Variants in NRG3 observed in about 807,000 individuals in gnomAD.
The protein encoded by NRG3 is pro-neuregulin-3, membrane-bound isoform.
In NRG3, 31 loss-of-function variants were observed where a neutral mutation model predicts 66.9. That is an observed-to-expected ratio of 0.46 (90% CI 0.35 to 0.63). NRG3 has a LOEUF of 0.63. Ranked by LOEUF, NRG3 falls within the 20% of genes least tolerant of loss-of-function variation. NRG3 has a pLI of 0.00. For synonymous variants in NRG3, 393 were observed against 359.4 expected (o/e 1.09, Z -1.06); for missense variants, 910 against 878.9 (o/e 1.04, Z -0.45).
chr10:81,932,305 C>T (rs1378954896), intron 1 of NRG3, among the ~76,000 whole-genome samples: 2 of 151,924 alleles, frequency 1.3e-5, no homozygotes, highest in African/African-American at 4.8e-5. Context: ...CTTGTGAGAA[C>T]TCACGTCATG....
At chr10:82,408,105 A>AAG (rs1307250600) in intron 2 of NRG3, among the ~76,000 whole-genome samples, 1 of 138,890 alleles carries the variant, frequency 7.2e-6, no homozygotes, top group Non-Finnish European at 1.5e-5. Flanking sequence ...GAAAGAAAGA[A>AAG]AGAAAGAAAG....
At position 82,408,148 on chromosome 10, in the gene NRG3, G is replaced by GAAAGAA. The variant is rs1341689768; in HGVS notation, c.953+49283_953+49284insGAAAAA. Among the ~76,000 whole-genome samples the GAAAGAA allele has an allele frequency of 2.9e-3, 390 of 134,192 alleles. 5 individuals are homozygous for GAAAGAA. The highest frequency in any genetic ancestry group is 3.3e-3 in the Non-Finnish European group (205 of 61,782). The allele number at this position is 134,192 out of a possible 152,430, so 88.0% of individuals were successfully genotyped here. A position where few individuals can be genotyped will look rare whatever the true frequency, so the allele number is the denominator to read the frequency against. On this transcript the variant is annotated intron_variant, in intron 2 of 8. Coordinates refer to ENST00000372141, the MANE Select transcript of NRG3 (RefSeq NM_001010848.4). The stretch of plus-strand genomic sequence containing the variant: ...GAAAGAAAGAAAGAAAGAAAGAAAA[G>GAAAGAA]AAAAAGAAAAGTAACAATTTGGAAA...
At chr10:82,028,127 C>T (rs939490708) in intron 1 of NRG3, among the ~76,000 whole-genome samples, 3 of 152,080 alleles carry the variant, frequency 2.0e-5, no homozygotes, top group Non-Finnish European at 4.4e-5. Context: ...TTCTGAAGTA[C>T]TACCTCTTCC....
At chr10:82,344,705 C>T (rs557508758) in intron 1 of NRG3, among the ~76,000 whole-genome samples, 5 of 124,508 alleles carry the variant, frequency 4.0e-5, no homozygotes, top group Non-Finnish European at 7.8e-5. Flanking sequence ...TCCTATTTCT[C>T]CACATCCTCT....
chr10:82,867,462 T>C (rs1452382524), intron 4 of NRG3, among the ~76,000 whole-genome samples: 1 of 152,182 alleles, frequency 6.6e-6, no homozygotes, highest in Non-Finnish European at 1.5e-5. Flanking sequence ...ACAGAGGAAA[T>C]GCATTTTTAG....
At chr10:82,408,028 G>T (rs2087669311) in intron 2 of NRG3, among the ~76,000 whole-genome samples, 1 of 146,884 alleles carries the variant, frequency 6.8e-6, no homozygotes. Context: ...CAGCCTGTGT[G>T]ACAGAGCAAG....
intron 1 of NRG3, among the ~76,000 whole-genome samples, chr10:82,078,801 C>T (rs886142828): frequency 1.3e-4 from 20 of 152,262 alleles, no homozygotes; most frequent in African/African-American, 4.8e-4. Context: ...GTGTGGGGCT[C>T]ATAAGTATTT....
intron 1 of NRG3, among the ~76,000 whole-genome samples, chr10:82,105,629 C>A (rs1182044607): frequency 6.6e-6 from 1 of 152,120 alleles, no homozygotes; most frequent in Non-Finnish European, 1.5e-5. Flanking sequence ...CCTACGTCAT[C>A]CTCTGAATGA....
At chr10:82,337,288 C>A (rs1429364021) in intron 1 of NRG3, among the ~76,000 whole-genome samples, 2 of 152,184 alleles carry the variant, frequency 1.3e-5, no homozygotes, top group East Asian at 3.9e-4. Flanking sequence ...CTGTCTTTCA[C>A]TGAGCATAAT....
At chr10:82,038,925 T>G (rs2062912312) in intron 1 of NRG3, among the ~76,000 whole-genome samples, 1 of 152,130 alleles carries the variant, frequency 6.6e-6, no homozygotes, top group Non-Finnish European at 1.5e-5. Flanking sequence ...GGCCATGTAT[T>G]CTATTTTCAG....
chr10:82,538,758 G>C (rs1012007049), intron 2 of NRG3, among the ~76,000 whole-genome samples: 3 of 152,082 alleles, frequency 2.0e-5, no homozygotes, highest in Non-Finnish European at 4.4e-5. Context: ...TGAGATAACA[G>C]AATCAGTAAA....
chr10:82,826,033 C>G (rs1166720803), intron 3 of NRG3, among the ~76,000 whole-genome samples: 1 of 152,082 alleles, frequency 6.6e-6, no homozygotes, highest in African/African-American at 2.4e-5. Flanking sequence ...ATGGAGTAAA[C>G]TTTATGCTCA....
chr10:82,369,119 T>C (rs2084724002), intron 2 of NRG3, among the ~76,000 whole-genome samples: 1 of 135,116 alleles, frequency 7.4e-6, no homozygotes, highest in South Asian at 2.2e-4. Flanking sequence ...AAAAGATGGC[T>C]TAAGGGCCAA....
At chr10:82,453,454 G>A (rs571757726) in intron 2 of NRG3, among the ~76,000 whole-genome samples, 161 of 152,138 alleles carry the variant, frequency 1.1e-3, no homozygotes, top group Admixed American at 1.7e-3. Context: ...TCTACAAACC[G>A]ATTTTGACCA....
chr10:82,465,138 T>C (rs1840554975), intron 2 of NRG3, among the ~76,000 whole-genome samples: 1 of 152,194 alleles, frequency 6.6e-6, no homozygotes, highest in Admixed American at 6.5e-5. Flanking sequence ...GCTGCAAGGC[T>C]AACGATAATG....
At chr10:82,226,459 A>T (rs1251233347) in intron 1 of NRG3, among the ~76,000 whole-genome samples, 2 of 152,104 alleles carry the variant, frequency 1.3e-5, no homozygotes, top group African/African-American at 4.8e-5. Flanking sequence ...TGAGATTTTG[A>T]TTTGAATCCT....
intron 2 of NRG3, among the ~76,000 whole-genome samples, chr10:82,671,994 T>C (rs1447714792): frequency 1.3e-5 from 2 of 152,230 alleles, no homozygotes; most frequent in Non-Finnish European, 2.9e-5. Flanking sequence ...TTCCCAAGTT[T>C]CGGGCCTGAA....
At chr10:82,197,638 C>T (rs79736747) in intron 1 of NRG3, among the ~76,000 whole-genome samples, 3,733 of 152,066 alleles carry the variant, frequency 0.025, 154 homozygotes, top group African/African-American at 0.085. Flanking sequence ...AATGTTATGC[C>T]TGTATTTGTG....
At chr10:82,978,484 T>G (rs2132641060) in intron 7 of NRG3, among the ~76,000 whole-genome samples, 1 of 152,352 alleles carries the variant, frequency 6.6e-6, no homozygotes, top group Non-Finnish European at 1.5e-5. Context: ...TAAAAGTTGT[T>G]AATTTTATCG....
Sources: allele counts gnomAD v4.1 joint callset (sites outside exome capture counted in the v4.1 genomes callset), GRCh38; gene constraint gnomAD v4.1.1; transcripts MANE v1.5; gene names NCBI Gene and HGNC (gene_info 2026-07-23, HGNC 2026-07-21).